Variants in TLE6 observed in about 807,000 individuals in gnomAD.
TLE6 encodes the protein transducin-like enhancer protein 6.
A neutral mutation model predicts 77.1 loss-of-function variants in TLE6; 72 were observed. That is an observed-to-expected ratio of 0.93 (90% CI 0.77 to 1.14). The LOEUF (loss-of-function observed/expected upper bound fraction) is 1.14. Among genes scored for constraint, TLE6 ranks in the 50% most tolerant of loss-of-function variants. TLE6 has a pLI of 0.00. For synonymous variants in TLE6, 366 were observed against 287.3 expected (o/e 1.27, Z -2.77); for missense variants, 843 against 747.6 (o/e 1.13, Z -1.49).
chr19:2,980,402 G>A (rs2088774253), intron 3 of TLE6: 5 of 388,760 alleles, frequency 1.3e-5, no homozygotes, highest in Admixed American at 1.2e-4. Context: ...TGATTTTCCT[G>A]TTCGACATGG....
chr19:2,987,862 A>G (rs748339005), intron 9 of TLE6, 36 bp from the exon 10 acceptor site: 7 of 1,613,366 alleles, frequency 4.3e-6, no homozygotes, highest in South Asian at 1.1e-5. Context: ...TGAGGAGCCA[A>G]TGCAAGCCGC....
chr19:2,979,051 A>G (rs1216024970), intron 2 of TLE6, among the ~76,000 whole-genome samples: 1 of 152,122 alleles, frequency 6.6e-6, no homozygotes, highest in Non-Finnish European at 1.5e-5. Flanking sequence ...TCCCGGGTTC[A>G]AGTGATTCTC....
chr19:2,989,696 G>C lies in TLE6; in HGVS notation c.1155G>C (p.Leu385=), dbSNP rs746398203. The change falls in exon 13 of 17, where the codon CTG becomes CTC. Residue 385 remains leucine, a synonymous_variant. Coordinates refer to ENST00000246112, the MANE Select transcript of TLE6 (RefSeq NM_001143986.2). ...LPCAGLNCQA[L]DANLDANLAF... is the part of the protein sequence containing the mutation. ...GTGCAGGTCTCAACTGCCAGGCCCT[G>C]GATGCCAACCTGGATGCCAACCTGG... The C allele has an allele frequency of 5.6e-6, 9 of 1,614,012 alleles. No homozygotes were observed. Among genetic ancestry groups the C allele is most frequent in the East Asian group, 4.5e-5 (2 of 44,894 alleles).
chr19:2,992,793 A>AACGGGGGGGGGGG lies in TLE6; in HGVS notation c.1387-639_1387-638insACGGGGGGGGGGG, dbSNP rs1487334518. On this transcript the variant is annotated intron_variant, in intron 14 of 16. Coordinates refer to ENST00000246112, the MANE Select transcript of TLE6 (RefSeq NM_001143986.2). Reference sequence around the variant, plus strand: ...AGACCCTGTCTCAAAAAAAAAAAAAAGGGGGGGAGGCGGGTGGGGGGGGGG... The same window carrying AACGGGGGGGGGGG: ...AGACCCTGTCTCAAAAAAAAAAAAAAACGGGGGGGGGGGGGGGGGGAGGCGGGTGGGGGGGGGG... 5.1e-4 allele frequency among the ~76,000 whole-genome samples: 10 copies of AACGGGGGGGGGGG among 19,754 alleles called. 3 individuals carry two copies. The highest frequency in any genetic ancestry group is 6.5e-4 in the Non-Finnish European group (8 of 12,372). 13.0% of individuals were successfully genotyped at this position (19,754 alleles called of 152,430 possible).
chr19:2,988,555 G>A (rs1237207917), intron 11 of TLE6, among the ~76,000 whole-genome samples: 5 of 152,094 alleles, frequency 3.3e-5, no homozygotes, highest in South Asian at 4.2e-4. Context: ...TTGAGATCGC[G>A]CCACTGCACT....
At chr19:2,991,374 A>C (rs2089052743) in intron 13 of TLE6, among the ~76,000 whole-genome samples, 1 of 100,546 alleles carries the variant, frequency 9.9e-6, no homozygotes, top group African/African-American at 4.3e-5. Context: ...AAAAAAAAAT[A>C]CGTATATATA....
chr19:2,990,295 T>C (rs2089015462), intron 13 of TLE6, among the ~76,000 whole-genome samples: 1 of 151,768 alleles, frequency 6.6e-6, no homozygotes, highest in South Asian at 2.1e-4. Flanking sequence ...TTATATAGTC[T>C]ATTTAAAAAT....
At position 2,994,042 on chromosome 19, in the gene TLE6, A is replaced by G; in HGVS notation, c.1561A>G (p.Met521Val). 6.2e-7 allele frequency: 1 copy of G among 1,607,704 alleles called. No homozygotes were observed. The highest frequency in any genetic ancestry group is 8.5e-7 in the Non-Finnish European group (1 of 1,177,746). ...PFGQWWASVG[M>V]DDFLGVYSMP... ...AGGCCAGTGGTGGGCAAGCGTTGGA[A>G]TGGACGACTTCCTTGGCGTCTACAG... The change falls in exon 16 of 17, where the codon ATG (methionine) becomes GTG (valine). Residue 521 changes from methionine (M) to valine (V), a missense_variant. Met to Val is a conservative substitution (Grantham distance 21). Coordinates refer to ENST00000246112, the MANE Select transcript of TLE6 (RefSeq NM_001143986.2).
chr19:2,984,599 C>T lies in TLE6; in HGVS notation c.223-2230C>T, dbSNP rs1460088314. On this transcript the variant is annotated intron_variant, in intron 5 of 16. Transcript: ENST00000246112. ...TCTCCTGCCTCAGCCTCCCAAGTAG[C>T]TGGGATTACAGGTGTGTGTCACCAT... Among the ~76,000 whole-genome samples the T allele has an allele frequency of 2.6e-5, 4 of 152,216 alleles. No homozygotes were observed. The South Asian group carries it at 8.3e-4, about 32-fold the overall frequency.
At chr19:2,994,646 AAAT>A (rs542684593) in intron 16 of TLE6, among the ~76,000 whole-genome samples, 132 of 152,088 alleles carry the variant, frequency 8.7e-4, no homozygotes, top group Admixed American at 1.3e-3. Context: ...TTAAAATTAA[AAAT>A]AATAATTAGC....
chr19:2,988,280 C>G (rs2088962789), intron 11 of TLE6, 152 bp downstream of exon 11: 1 of 925,696 alleles, frequency 1.1e-6, no homozygotes, highest in South Asian at 1.7e-5. Context: ...TCTCCAACAG[C>G]CGCTGCAGAG....
Position 2,994,061 on chromosome 19 carries a change from T to C in TLE6, c.1580T>C (p.Val527Ala), listed in dbSNP as rs1441371187. 5 of 1,608,604 alleles carry C rather than the reference T, an allele frequency of 3.1e-6. No individual in the cohort carries two copies. Among genetic ancestry groups the C allele is most frequent in the East Asian group, 2.2e-5 (1 of 44,750 alleles). ...GTTGGAATGGACGACTTCCTTGGCG[T>C]CTACAGCATGCCGGCGGGGACAAAA... ...ASVGMDDFLG[V>A]YSMPAGTKVF... The change falls in exon 16 of 17, where the codon GTC (valine) becomes GCC (alanine). Residue 527 changes from valine (V) to alanine (A), a missense_variant. Val to Ala is a moderately conservative substitution (Grantham distance 64). Coordinates refer to ENST00000246112, the MANE Select transcript of TLE6 (RefSeq NM_001143986.2).
chr19:2,982,484 G>A (rs560391798), intron 5 of TLE6, among the ~76,000 whole-genome samples: 18 of 150,576 alleles, frequency 1.2e-4, no homozygotes, highest in Middle Eastern at 3.4e-3. Flanking sequence ...ATTGCAGTGA[G>A]GCAAGATCGT....
chr19:2,991,677 C>T (rs927928697), intron 13 of TLE6, among the ~76,000 whole-genome samples, 166 bp from the exon 14 acceptor site: 48 of 150,508 alleles, frequency 3.2e-4, no homozygotes, highest in African/African-American at 1.1e-3. Flanking sequence ...GAGGGGCCGG[C>T]ACTAGATCCT....
intron 14 of TLE6, among the ~76,000 whole-genome samples, 174 bp from the exon 15 acceptor site, chr19:2,993,258 C>T (rs1270837509): frequency 6.6e-6 from 1 of 152,162 alleles, no homozygotes; most frequent in Admixed American, 6.6e-5. Context: ...GAAGACTCTC[C>T]ATTTTACACA....
In TLE6 at chr19:2,989,216, G is replaced by T. The variant is rs556698104; in HGVS notation, c.896G>T (p.Arg299Leu). ...GCCACGGCCATCAGCAGCTTCACGC[G>T]GCACGTGTTCACCTGTGGCAGAAGA... ...VLATAISSFT[R>L]HVFTCGRRGI... The change falls in exon 12 of 17, where the codon CGG becomes CTG. Residue 299 changes from arginine to leucine, a missense_variant. Physicochemically the swap from Arg to Leu is moderately radical, Grantham distance 102. Coordinates refer to ENST00000246112, the MANE Select transcript of TLE6 (RefSeq NM_001143986.2). 1 of 1,614,132 alleles carries T rather than the reference G, an allele frequency of 6.2e-7. No homozygotes were observed.
At chr19:2,980,476 C>A in intron 3 of TLE6, 2 of 237,464 alleles carry the variant, frequency 8.4e-6, no homozygotes, top group Non-Finnish European at 8.5e-6. Context: ...TGGCTCGCAC[C>A]TGTAATCCCA....
chr19:2,978,354 C>A, intron 2 of TLE6, 70 bp downstream of exon 2: 3 of 1,493,502 alleles, frequency 2.0e-6, no homozygotes, highest in Middle Eastern at 2.1e-4. Context: ...GCCCCTTTTC[C>A]ACCTGTGACC....
chr19:2,992,062 T>G, intron 14 of TLE6, 78 bp downstream of exon 14: 2 of 1,552,072 alleles, frequency 1.3e-6, no homozygotes, highest in Non-Finnish European at 1.8e-6. Context: ...GAGGCCGGGC[T>G]CCGTGGCTCA....
Sources: gnomAD v4.1 joint callset for allele counts (sites outside exome capture counted in the v4.1 genomes callset) on GRCh38, gnomAD v4.1.1 for gene constraint, MANE v1.5 for transcripts, NCBI Gene and HGNC (gene_info 2026-07-23, HGNC 2026-07-21) for gene names.